DISP1: variants seen among roughly 807,000 people sequenced by gnomAD.
DISP1 encodes the protein dispatched RND transporter family member 1.
Under a neutral mutation model 37.3 loss-of-function variants are expected in DISP1, and 30 were observed. The ratio of observed to expected loss-of-function variants is 0.80; its 90% confidence interval spans 0.60 to 1.09. The LOEUF (loss-of-function observed/expected upper bound fraction) is 1.09, where lower values mean the gene tolerates loss of function less well. Ranked by LOEUF, DISP1 falls within the 50% of genes least tolerant of loss-of-function variation. The probability of loss-of-function intolerance (pLI) is 0.00; values close to 1 mark genes in which losing one functional copy is unlikely to be tolerated. For missense variants in DISP1, 1,598 were observed against 1,879.5 expected, an observed-to-expected ratio of 0.85 and a Z score of 2.77; for synonymous variants, 634 against 690.2, an observed-to-expected ratio of 0.92 and a Z score of 1.28.
intron 1 of DISP1, among the ~76,000 whole-genome samples, chr1:222,862,525 GTTTT>G (rs33987832): frequency 3.9e-5 from 5 of 129,222 alleles, no homozygotes; most frequent in Admixed American, 7.5e-5. Flanking sequence ...TGTCTCAATA[GTTTT>G]TTTTTTTTTT....
chr1:222,926,254 T>G lies in DISP1; in HGVS notation c.-158-2176T>G, dbSNP rs562586571. Among the ~76,000 whole-genome samples, 13 of 152,356 alleles carry G rather than the reference T, an allele frequency of 8.5e-5. No homozygotes were observed. The South Asian group carries it at 2.7e-3, about 32-fold the overall frequency. On this transcript the variant is annotated intron_variant, in intron 1 of 8. Transcript: ENST00000675850. ...CCATGTTGTAGCATGTATCAGTGCT[T>G]CATTATTTTTATGGCTGAATAATAT...
intron 1 of DISP1, among the ~76,000 whole-genome samples, chr1:222,838,786 CT>C (rs1667410699): frequency 6.6e-6 from 1 of 152,122 alleles, no homozygotes; most frequent in African/African-American, 2.4e-5. Context: ...TATAAGTAAA[CT>C]TTTCAAAGCC....
intron 1 of DISP1, among the ~76,000 whole-genome samples, chr1:222,877,956 G>A (rs1031189434): frequency 1.3e-5 from 2 of 152,210 alleles, no homozygotes; most frequent in Non-Finnish European, 2.9e-5. Flanking sequence ...ATGGAGCAGA[G>A]TTCCAGTGGG....
intron 3 of DISP1, among the ~76,000 whole-genome samples, chr1:222,971,583 A>G (rs947314522): frequency 2.6e-5 from 4 of 152,130 alleles, no homozygotes; most frequent in African/African-American, 9.6e-5. Context: ...ATTGAACACA[A>G]TGTAGACAAA....
At chr1:222,943,461 T>C in intron 3 of DISP1, 129 bp downstream of exon 3, 1 of 1,288,708 alleles carries the variant, frequency 7.8e-7, no homozygotes, top group Non-Finnish European at 1.1e-6. Context: ...ACGCATATTC[T>C]GTGGATTGTG....
At position 223,004,772 on chromosome 1, in the gene DISP1, CT is replaced by C; in HGVS notation, c.3380del (p.Phe1127SerfsTer47). On this transcript the variant is annotated frameshift_variant, in exon 9 of 9. Coordinates refer to ENST00000675850, the MANE Select transcript of DISP1 (RefSeq NM_001377229.1). LOFTEE classifies it low-confidence loss of function (END_TRUNC). This position sits in a 1 kb window ranked among gnomAD's most constrained non-coding sequence, Gnocchi z 4.9. ...MCISWAFATF[F>X]FQCMCRCLGP... ...GTATCAGTTGGGCTTTCGCCACCTTCTTTTTCCAGTGCATGTGCCGGTGCCT... is the reference window on the plus strand; with the variant it reads ...GTATCAGTTGGGCTTTCGCCACCTTCTTTTCCAGTGCATGTGCCGGTGCCT... 1 of 1,613,396 alleles carries C rather than the reference CT, an allele frequency of 6.2e-7. No individual in the cohort carries two copies.
intron 6 of DISP1, 98 bp downstream of exon 6, chr1:222,991,745 G>T: frequency 7.4e-7 from 1 of 1,354,124 alleles, no homozygotes; most frequent in South Asian, 1.3e-5. Flanking sequence ...AATGTAAAAT[G>T]TGTGGCTCAA....
chr1:222,916,287 G>A (rs1480565910), intron 1 of DISP1, among the ~76,000 whole-genome samples: 1 of 152,198 alleles, frequency 6.6e-6, no homozygotes, highest in Non-Finnish European at 1.5e-5. Flanking sequence ...CATTGGGACA[G>A]CTCTCTTCTT....
intron 3 of DISP1, among the ~76,000 whole-genome samples, chr1:222,951,431 A>G (rs1466229355): frequency 1.7e-5 from 1 of 59,098 alleles, no homozygotes; most frequent in Non-Finnish European, 3.2e-5. Flanking sequence ...TTCTACCACC[A>G]GAATTCTTGT....
intron 2 of DISP1, among the ~76,000 whole-genome samples, chr1:222,936,764 A>ATATATATTATATATGATATATAT: frequency 2.0e-5 from 1 of 50,856 alleles, no homozygotes; most frequent in Admixed American, 3.4e-4. Flanking sequence ...ATGATATATA[A>ATATATATTATATATGATATATAT]AAATTATATA....
At chr1:222,919,779 G>A (rs1229530379) in intron 1 of DISP1, among the ~76,000 whole-genome samples, 1 of 152,086 alleles carries the variant, frequency 6.6e-6, no homozygotes, top group African/African-American at 2.4e-5. Flanking sequence ...AACCCTACTA[G>A]CCCTAATGTT....
At chr1:223,000,885 T>G (rs1326409545) in intron 8 of DISP1, among the ~76,000 whole-genome samples, 1 of 151,076 alleles carries the variant, frequency 6.6e-6, no homozygotes, top group Non-Finnish European at 1.5e-5. Context: ...TTAATCCTAC[T>G]AGAAAAAAAA....
chr1:222,863,856 A>G (rs1234517337), intron 1 of DISP1, among the ~76,000 whole-genome samples: 1 of 152,112 alleles, frequency 6.6e-6, no homozygotes, highest in Non-Finnish European at 1.5e-5. Context: ...ATGTTCCTTG[A>G]GAATTTTTAT....
intron 2 of DISP1, among the ~76,000 whole-genome samples, chr1:222,937,535 C>G (rs150890235): frequency 9.5e-4 from 144 of 152,260 alleles, no homozygotes; most frequent in African/African-American, 3.4e-3. Flanking sequence ...AACATTTTTA[C>G]ATTCTCATAG....
At chr1:222,924,041 T>C (rs1241522900) in intron 1 of DISP1, among the ~76,000 whole-genome samples, 1 of 152,046 alleles carries the variant, frequency 6.6e-6, no homozygotes, top group East Asian at 1.9e-4. Context: ...GTTGTAAAAA[T>C]TGTAGATTTT....
At chr1:222,876,586 GA>G (rs1431536665) in intron 1 of DISP1, among the ~76,000 whole-genome samples, 3 of 152,164 alleles carry the variant, frequency 2.0e-5, no homozygotes, top group South Asian at 4.1e-4. Flanking sequence ...GGGCAGTTCA[GA>G]AGAACAAAGT....
rs1553254647 is a variant in DISP1, at chr1:222,984,421, A to AAT, written c.539+1326_539+1327dup. On this transcript the variant is annotated intron_variant, in intron 4 of 8. Coordinates refer to ENST00000675850, the MANE Select transcript of DISP1 (RefSeq NM_001377229.1). ...TCTGTCTCAAAAAAAAAAAAAAAAA[A>AAT]ATATATATATATATAGAGAGAGAGA... Among the ~76,000 whole-genome samples, 915 of 105,744 alleles carry AAT rather than the reference A, an allele frequency of 8.7e-3. 62 individuals are homozygous for AAT. The highest frequency in any genetic ancestry group is 0.028 in the African/African-American group (720 of 25,676). 69.4% of individuals were successfully genotyped at this position (105,744 alleles called of 152,430 possible).
At chr1:222,972,555 C>T (rs1157545921) in intron 3 of DISP1, among the ~76,000 whole-genome samples, 1 of 152,144 alleles carries the variant, frequency 6.6e-6, no homozygotes, top group African/African-American at 2.4e-5. Context: ...CTCACTAGTC[C>T]TTCATAGTAA....
chr1:222,847,385 G>T (rs1667972586), intron 1 of DISP1, among the ~76,000 whole-genome samples: 2 of 152,162 alleles, frequency 1.3e-5, no homozygotes, highest in African/African-American at 4.8e-5. Flanking sequence ...TGAACACTGG[G>T]TGTGCTCATT....
Sources: gnomAD v4.1 joint callset for allele counts (sites outside exome capture counted in the v4.1 genomes callset) on GRCh38, gnomAD v4.1.1 for gene constraint, Gnocchi (gnomAD v3.1) non-coding constraint, MANE v1.5 for transcripts, NCBI Gene and HGNC (gene_info 2026-07-23, HGNC 2026-07-21) for gene names.